Variants in TTC38 observed in about 807,000 individuals in gnomAD.
The protein encoded by TTC38 is tetratricopeptide repeat domain 38.
A neutral mutation model predicts 64.2 loss-of-function variants in TTC38; 64 were observed. The ratio of observed to expected loss-of-function variants is 1.00; its 90% CI spans 0.81 to 1.23. The LOEUF is 1.23. TTC38 is among the 50% of genes most tolerant of loss of function. The probability of loss-of-function intolerance (pLI) is 0.00; values close to 1 mark genes in which losing one functional copy is unlikely to be tolerated. For synonymous variants in TTC38, 254 were observed against 249.3 expected, an observed-to-expected ratio of 1.02 and a Z score of -0.18; for missense variants, 573 against 615.5, an observed-to-expected ratio of 0.93 and a Z score of 0.73.
At position 46,272,237 on chromosome 22, in the gene TTC38, C is replaced by G. The variant is rs542088893; in HGVS notation, c.112-98C>G. On this transcript the variant is annotated intron_variant, in intron 2 of 13. Coordinates refer to ENST00000381031, the MANE Select transcript of TTC38 (RefSeq NM_017931.4). This position sits in a 1 kb window ranked among gnomAD's most constrained non-coding sequence, Gnocchi z 6.4. ...AACTCCTGACCTCAGATGTTCTGCC[C>G]GCCTCGGCCTCCCAAAGTGTAAACC... 1 of 915,338 alleles carries G rather than the reference C, an allele frequency of 1.1e-6. No homozygotes were observed. The highest frequency in any genetic ancestry group is 1.7e-6 in the Non-Finnish European group (1 of 572,098). 56.7% of individuals were successfully genotyped at this position (915,338 alleles called of 1,614,324 possible).
rs974091141 is a variant in TTC38 at position 46,268,036 on chromosome 22, C to A, written c.-4C>A. On this transcript the variant is annotated 5_prime_UTR_variant, in exon 1 of 14. Transcript: ENST00000381031. ...GCTCGCGGTGGACTCCGACCCGGCG[C>A]AACATGGCCGCAGCCTCGCCTCTGC... The A allele has an allele frequency of 1.9e-6, 3 of 1,540,628 alleles. No individual in the cohort carries two copies. In the African/African-American group the frequency reaches 4.2e-5, roughly 21 times the overall value.
At position 46,273,947 on chromosome 22, in the gene TTC38, C is replaced by T. The variant is rs940996636; in HGVS notation, c.243C>T (p.Ser81=). ...ATGLVLIGTG[S]SVKLDKELDL... ...GCCTTGTGCTGATTGGCACTGGAAG[C>T]TCCGTGAAGCTGGACAAAGAGCTGG... Residue 81 remains serine (S), a synonymous_variant, in exon 4 of 14, where the codon AGC becomes AGT. Coordinates refer to ENST00000381031, the MANE Select transcript of TTC38 (RefSeq NM_017931.4). The surrounding 1 kb of genome is among the most constrained non-coding windows in gnomAD (Gnocchi z 5.1). The T allele has an allele frequency of 1.2e-6, 2 of 1,614,106 alleles. No homozygotes were observed. Among genetic ancestry groups the T allele is most frequent in the African/African-American group, 2.7e-5 (2 of 74,940 alleles).
chr22:46,292,977 A>G lies in TTC38; in HGVS notation c.*93A>G, dbSNP rs2077627359. 1 of 988,642 alleles carries G rather than the reference A, an allele frequency of 1.0e-6. No homozygotes were observed. Among genetic ancestry groups the G allele is most frequent in the African/African-American group, 1.6e-5 (1 of 63,064 alleles). The allele number at this position is 988,642 out of a possible 1,614,324, so 61.2% of individuals were successfully genotyped here. A position where few individuals can be genotyped will look rare whatever the true frequency, so the allele number is the denominator to read the frequency against. On this transcript the variant is annotated 3_prime_UTR_variant, in exon 14 of 14. Coordinates refer to ENST00000381031, the MANE Select transcript of TTC38 (RefSeq NM_017931.4). The surrounding 1 kb of genome is among the most constrained non-coding windows in gnomAD (Gnocchi z 6.5). ...ACCGGGTTAGGGTCAGGAGACGGCCAGAGCCTGTTTGTTAGGGCTGTTAGA... is the reference window on the plus strand; with the variant it reads ...ACCGGGTTAGGGTCAGGAGACGGCCGGAGCCTGTTTGTTAGGGCTGTTAGA...
rs73448923 is a variant in TTC38 at position 46,286,262 on chromosome 22, G to A, written c.835-811G>A. 9.5e-3 allele frequency among the ~76,000 whole-genome samples: 1,450 copies of A among 152,170 alleles called. 24 individuals are homozygous for A. Among genetic ancestry groups the A allele is most frequent in the African/African-American group, 0.033 (1,361 of 41,520 alleles). On this transcript the variant is annotated intron_variant, in intron 9 of 13. Coordinates refer to ENST00000381031, the MANE Select transcript of TTC38 (RefSeq NM_017931.4). ...GGATGGCTTCATCAGAAAAGCCTGG[G>A]ACCACAGAAATGCTTGTGATCTGGG...
chr22:46,289,595 G>A, intron 12 of TTC38, 34 bp downstream of exon 12: 1 of 1,556,048 alleles, frequency 6.4e-7, no homozygotes, highest in South Asian at 1.2e-5. Flanking sequence ...GGTGCCTAGG[G>A]CCTGGGCCAG....
chr22:46,270,302 T>C lies in TTC38; in HGVS notation c.111+1711T>C, dbSNP rs922336952. The stretch of plus-strand genomic sequence containing the variant: ...TATTTGGGAGGCTGAGGCAGGGGGA[T>C]TGCTTGAGCCTGGGCGGTTGAGACT... On this transcript the variant is annotated intron_variant, in intron 2 of 13. Transcript: ENST00000381031. This position sits in a 1 kb window ranked among gnomAD's most constrained non-coding sequence, Gnocchi z 4.7. Among the ~76,000 whole-genome samples, 12 of 152,058 alleles carry C rather than the reference T, an allele frequency of 7.9e-5. No homozygotes were observed. The highest frequency in any genetic ancestry group is 2.9e-4 in the African/African-American group (12 of 41,384).
Position 46,268,564 on chromosome 22 carries a change from C to A in TTC38, c.84C>A (p.Cys28Ter), listed in dbSNP as rs751630060. 1 of 1,614,056 alleles carries A rather than the reference C, an allele frequency of 6.2e-7. No homozygotes were observed. Among genetic ancestry groups the A allele is most frequent in the South Asian group, 1.1e-5 (1 of 91,084 alleles). The stretch of plus-strand genomic sequence containing the variant: ...TCTCCACCACAAGCAACGAAGCCTG[C>A]AAGCTGTTCGATGCCACGCTGACCC... Reference protein sequence around the residue: ...LPLSTTSNEACKLFDATLTQY... With the variant: ...LPLSTTSNEA Residue 28 changes from cysteine to a stop codon, truncating the protein, a stop_gained, in exon 2 of 14, where the codon TGC becomes TGA. Transcript: ENST00000381031. LOFTEE classifies it high-confidence loss of function.
Position 46,289,406 on chromosome 22 carries a change from C to A in TTC38, c.1087C>A (p.Pro363Thr). The A allele has an allele frequency of 6.2e-7, 1 of 1,608,460 alleles. No homozygotes were observed. Among genetic ancestry groups the A allele is most frequent in the Non-Finnish European group, 8.5e-7 (1 of 1,179,482 alleles). The change falls in exon 12 of 14, where the codon CCA becomes ACA. Residue 363 changes from proline (P) to threonine (T), a missense_variant. Pro to Thr is a conservative substitution (Grantham distance 38, BLOSUM62 -1). This residue lies in a region of TTC38 where 371 missense variants were observed against 381.8 expected (regional missense o/e 0.97). Coordinates refer to ENST00000381031, the MANE Select transcript of TTC38 (RefSeq NM_017931.4). ...GGCACCGTCTTGGGTTCGCAGATCC[C>A]CAGGGGAGAACTGCCAGCACCTCCT... ...LTTLRDASES[P>T]GENCQHLLAR...
chr22:46,285,108 G>A (rs1364039583), intron 8 of TTC38, 133 bp from the exon 9 acceptor site: 13 of 759,236 alleles, frequency 1.7e-5, no homozygotes, highest in South Asian at 7.5e-5. Flanking sequence ...GACACCGTCC[G>A]TCCACCTCTG....
chr22:46,286,666 A>G (rs1225530629), intron 9 of TTC38, among the ~76,000 whole-genome samples: 1 of 151,848 alleles, frequency 6.6e-6, no homozygotes, highest in African/African-American at 2.4e-5. Flanking sequence ...TATCTCAAAA[A>G]AAAAAAAAAA....
rs2077533091 is a variant in TTC38, at chr22:46,281,353, C to T, written c.616-246C>T. Among the ~76,000 whole-genome samples, 1 of 152,202 alleles carries T rather than the reference C, an allele frequency of 6.6e-6. No individual in the cohort carries two copies. Among genetic ancestry groups the T allele is most frequent in the Non-Finnish European group, 1.5e-5 (1 of 68,042 alleles). On this transcript the variant is annotated intron_variant, in intron 6 of 13. Coordinates refer to ENST00000381031, the MANE Select transcript of TTC38 (RefSeq NM_017931.4). The surrounding 1 kb of genome is among the most constrained non-coding windows in gnomAD (Gnocchi z 5.2). ...CTGCTGCTGTCCAGCTGGGTGAAGT[C>T]GCATAGCCTCCCTAAGACTCAGCTT... is the stretch of plus-strand genomic sequence containing the variant.
At chr22:46,284,130 C>CT in intron 8 of TTC38, 98 bp downstream of exon 8, 1 of 991,054 alleles carries the variant, frequency 1.0e-6, no homozygotes, top group Non-Finnish European at 1.5e-6. Flanking sequence ...TCCGTTGGAG[C>CT]CCTGATGCAA....
At chr22:46,285,413 A>C in intron 9 of TTC38, 134 bp downstream of exon 9, 1 of 875,720 alleles carries the variant, frequency 1.1e-6, no homozygotes. Context: ...TTCTTGTGTA[A>C]GGCCTCATGG....
chr22:46,273,998 G>A lies in TTC38; in HGVS notation c.294G>A (p.Glu98=). The A allele has an allele frequency of 1.2e-6, 2 of 1,614,256 alleles. No homozygotes were observed. Among genetic ancestry groups the A allele is most frequent in the Admixed American group, 1.7e-5 (1 of 60,032 alleles). ...ELDLAVKTMV[E]ISRTQPLTRR... ...ACCTGGCTGTGAAGACAATGGTGGA[G>A]ATTTCAAGAACCCAGCCGCTGACAA... is the stretch of plus-strand genomic sequence containing the variant. Residue 98 remains glutamate, a synonymous_variant, in exon 4 of 14, where the codon GAG becomes GAA. Coordinates refer to ENST00000381031, the MANE Select transcript of TTC38 (RefSeq NM_017931.4). This position sits in a 1 kb window ranked among gnomAD's most constrained non-coding sequence, Gnocchi z 5.1.
In TTC38 at chr22:46,270,691, C is replaced by T. The variant is rs545444954; in HGVS notation, c.112-1644C>T. On this transcript the variant is annotated intron_variant, in intron 2 of 13. Transcript: ENST00000381031. The surrounding 1 kb of genome is among the most constrained non-coding windows in gnomAD (Gnocchi z 4.7). The stretch of plus-strand genomic sequence containing the variant: ...CTACTAAAAATATAAAAAAATTAGC[C>T]GGGCATGGTGGCATGGGCCTGTAAT... Among the ~76,000 whole-genome samples, 3 of 152,028 alleles carry T rather than the reference C, an allele frequency of 2.0e-5. No individual in the cohort carries two copies. Among genetic ancestry groups the T allele is most frequent in the East Asian group, 1.9e-4 (1 of 5,148 alleles).
Position 46,288,518 on chromosome 22 carries a change from A to C in TTC38, c.1012A>C (p.Met338Leu). ...ILLFNDAHFL[M>L]ASLGAHDPQT... ...GCTGTTCAATGACGCACACTTCCTG[A>C]TGGCATCCCTGGGTGCACACGACCC... Residue 338 changes from methionine (M) to leucine (L), a missense_variant, in exon 11 of 14, where the codon ATG becomes CTG. Coordinates refer to ENST00000381031, the MANE Select transcript of TTC38 (RefSeq NM_017931.4). 6.2e-7 allele frequency: 1 copy of C among 1,613,928 alleles called. No homozygotes were observed. The highest frequency in any genetic ancestry group is 8.5e-7 in the Non-Finnish European group (1 of 1,179,890).
chr22:46,292,312 G>C lies in TTC38; in HGVS notation c.1317-479G>C, dbSNP rs376342296. The C allele has an allele frequency of 2.0e-5, 8 of 394,402 alleles. No homozygotes were observed. The highest frequency in any genetic ancestry group is 9.7e-5 in the South Asian group (5 of 51,696). 24.4% of individuals were successfully genotyped at this position (394,402 alleles called of 1,614,324 possible). The stretch of plus-strand genomic sequence containing the variant: ...AATCTTCCTGCCTCATCCTTCCATC[G>C]TGCAGGGATTACAGGGGTGAGCCAC... On this transcript the variant is annotated intron_variant, in intron 13 of 13. Coordinates refer to ENST00000381031, the MANE Select transcript of TTC38 (RefSeq NM_017931.4). The surrounding 1 kb of genome is among the most constrained non-coding windows in gnomAD (Gnocchi z 6.5).
intron 8 of TTC38, 95 bp downstream of exon 8, chr22:46,284,127 G>A (rs777073918): frequency 1.2e-5 from 12 of 998,388 alleles, no homozygotes; most frequent in Non-Finnish European, 1.8e-5. Flanking sequence ...ACATCCGTTG[G>A]AGCCCTGATG....
rs1049728857 is a variant in TTC38, at chr22:46,274,618, G to C, written c.365+549G>C. 2.6e-5 allele frequency among the ~76,000 whole-genome samples: 4 copies of C among 152,206 alleles called. No homozygotes were observed. Among genetic ancestry groups the C allele is most frequent in the African/African-American group, 4.8e-5 (2 of 41,444 alleles). ...TCAGGGATTCCGAACCCTGAGACTG[G>C]GGAGGTGCGGCCTGGTCTTCCTGGT... On this transcript the variant is annotated intron_variant, in intron 4 of 13. Coordinates refer to ENST00000381031, the MANE Select transcript of TTC38 (RefSeq NM_017931.4). The surrounding 1 kb of genome is among the most constrained non-coding windows in gnomAD (Gnocchi z 4.8).
Sources: allele counts gnomAD v4.1 joint callset (sites outside exome capture counted in the v4.1 genomes callset), GRCh38; gene constraint gnomAD v4.1.1; regional missense constraint gnomAD v4.1.1; non-coding constraint Gnocchi (gnomAD v3.1); transcripts MANE v1.5; gene names NCBI Gene and HGNC (gene_info 2026-07-23, HGNC 2026-07-21).